KIF4B: variants seen among roughly 807,000 people sequenced by gnomAD.
KIF4B encodes the protein kinesin family member 4B, also known as chromosome-associated kinesin KIF4B.
In KIF4B, 60 loss-of-function variants were observed where a neutral mutation model predicts 69.0. The observed-to-expected ratio is 0.87, with a 90% CI of 0.71 to 1.08. The LOEUF (loss-of-function observed/expected upper bound fraction) is 1.08, where lower values mean the gene tolerates loss of function less well. KIF4B is among the 50% of genes least tolerant of loss of function. The pLI is 0.00. For missense variants in KIF4B, 1,357 were observed against 1,451.9 expected, an observed-to-expected ratio of 0.93 and a Z score of 1.06; for synonymous variants, 489 against 533.0, an observed-to-expected ratio of 0.92 and a Z score of 1.14.
Position 155,013,973 on chromosome 5 carries a change from G to C in KIF4B, c.114G>C (p.Glu38Asp). Residue 38 changes from glutamate to aspartate, a missense_variant, in exon 1 of 1, where the codon GAG becomes GAC. Physicochemically the swap from Glu to Asp is conservative, Grantham distance 45 (BLOSUM62 2). Transcript: ENST00000435029. ...CQMCLSFVPG[E>D]TQVVVGTDKS... ...TGTGCCTTTCCTTCGTGCCCGGGGA[G>C]ACTCAGGTGGTGGTTGGTACTGATA... The C allele has an allele frequency of 6.2e-7, 1 of 1,614,250 alleles. No individual in the cohort carries two copies. Among genetic ancestry groups the C allele is most frequent in the Non-Finnish European group, 8.5e-7 (1 of 1,180,052 alleles).
At position 155,014,948 on chromosome 5, in the gene KIF4B, C is replaced by G. The variant is rs368931138; in HGVS notation, c.1089C>G (p.Val363=). ...HLKQQVQQLQ[V]LLLQAHGGTL... is the part of the protein sequence containing the mutation. ...AGCAACAGGTACAACAGCTACAAGT[C>G]TTGTTGCTACAAGCCCATGGAGGTA... Residue 363 remains valine (V), a synonymous_variant, in exon 1 of 1, where the codon GTC becomes GTG. Transcript: ENST00000435029. 4.3e-6 allele frequency: 7 copies of G among 1,614,062 alleles called. No individual in the cohort carries two copies. The highest frequency in any genetic ancestry group is 4.2e-6 in the Non-Finnish European group (5 of 1,180,042).
In KIF4B at chr5:155,015,964, G is replaced by C; in HGVS notation, c.2105G>C (p.Arg702Pro). 6.2e-7 allele frequency: 1 copy of C among 1,613,274 alleles called. No individual in the cohort carries two copies. The highest frequency in any genetic ancestry group is 1.3e-5 in the African/African-American group (1 of 74,968). Residue 702 changes from arginine (R) to proline (P), a missense_variant, in exon 1 of 1, where the codon CGT becomes CCT. Coordinates refer to ENST00000435029, the MANE Select transcript of KIF4B (RefSeq NM_001099293.3). ...CAGAAACAATCCAGTGTGCTCAGACGTAAAACGGAAGAGGCAGCAGCTGCC... is the reference window on the plus strand; with the variant it reads ...CAGAAACAATCCAGTGTGCTCAGACCTAAAACGGAAGAGGCAGCAGCTGCC... Reference protein sequence around the residue: ...NFQKQSSVLRRKTEEAAAANK... With the variant: ...NFQKQSSVLRPKTEEAAAANK...
Position 155,017,837 on chromosome 5 carries a change from C to T in KIF4B, c.*273C>T. Reference sequence around the variant, plus strand: ...CCTAATGACTCATCAGGAACCAGTCCTCAGTATGATCAAGTTCCTTCTTAT... The same window carrying T: ...CCTAATGACTCATCAGGAACCAGTCTTCAGTATGATCAAGTTCCTTCTTAT... On this transcript the variant is annotated 3_prime_UTR_variant, in exon 1 of 1. Transcript: ENST00000435029. 2.1e-6 allele frequency: 1 copy of T among 485,860 alleles called. No individual in the cohort carries two copies. The highest frequency in any genetic ancestry group is 3.7e-6 in the Non-Finnish European group (1 of 270,478). The allele number at this position is 485,860 out of a possible 1,614,324, so 30.1% of individuals were successfully genotyped here.
In KIF4B at chr5:155,017,701, A is replaced by G; in HGVS notation, c.*137A>G. On this transcript the variant is annotated 3_prime_UTR_variant, in exon 1 of 1. Coordinates refer to ENST00000435029, the MANE Select transcript of KIF4B (RefSeq NM_001099293.3). ...AAAAAGGAACAAAGCATTACTAAAA[A>G]GAAGGTAACCTTTGTTGGATGTTGT... 2 of 1,412,152 alleles carry G rather than the reference A, an allele frequency of 1.4e-6. No homozygotes were observed. The highest frequency in any genetic ancestry group is 1.9e-6 in the Non-Finnish European group (2 of 1,065,722). 87.5% of individuals were successfully genotyped at this position (1,412,152 alleles called of 1,614,324 possible).
Position 155,015,630 on chromosome 5 carries a change from C to A in KIF4B, c.1771C>A (p.Gln591Lys), listed in dbSNP as rs755011320. ...ELQTAKKNVN[Q>K]AKLSEHRHKL... ...TCAGACAGCAAAGAAGAATGTCAACCAAGCCAAGCTGAGTGAGCACCGCCA... is the reference window on the plus strand; with the variant it reads ...TCAGACAGCAAAGAAGAATGTCAACAAAGCCAAGCTGAGTGAGCACCGCCA... Residue 591 changes from glutamine (Q) to lysine (K), a missense_variant, in exon 1 of 1, where the codon CAA becomes AAA. Gln to Lys is a moderately conservative substitution (Grantham distance 53). Coordinates refer to ENST00000435029, the MANE Select transcript of KIF4B (RefSeq NM_001099293.3). 4.0e-5 allele frequency: 64 copies of A among 1,614,040 alleles called. No individual in the cohort carries two copies. Among genetic ancestry groups the A allele is most frequent in the Non-Finnish European group, 5.0e-5 (59 of 1,180,016 alleles).
At position 155,013,804 on chromosome 5, in the gene KIF4B, G is replaced by A; in HGVS notation, c.-56G>A. The A allele has an allele frequency of 6.3e-7, 1 of 1,598,650 alleles. No homozygotes were observed. Among genetic ancestry groups the A allele is most frequent in the African/African-American group, 1.3e-5 (1 of 74,846 alleles). ...CTCCGGCTGGGACAGGGCGGCGGGA[G>A]ACCCCGGGTGAACGGGGAAGGGACA... On this transcript the variant is annotated 5_prime_UTR_variant, in exon 1 of 1. Coordinates refer to ENST00000435029, the MANE Select transcript of KIF4B (RefSeq NM_001099293.3).
rs762378944 is a variant in KIF4B, at chr5:155,015,679, G to C, written c.1820G>C (p.Gly607Ala). The change falls in exon 1 of 1, where the codon GGT (glycine) becomes GCT (alanine). Residue 607 changes from glycine (G) to alanine (A), a missense_variant. Physicochemically the swap from Gly to Ala is moderately conservative, Grantham distance 60 (BLOSUM62 0). Transcript: ENST00000435029. ...CACAAACTTCTCCAGGAGCTGGAGG[G>C]TCAAATAGCTGATCTGAAGAAGAAA... ...HRHKLLQELE[G>A]QIADLKKKLN... The C allele has an allele frequency of 6.2e-7, 1 of 1,614,194 alleles. No individual in the cohort carries two copies. Among genetic ancestry groups the C allele is most frequent in the Non-Finnish European group, 8.5e-7 (1 of 1,180,044 alleles).
chr5:155,016,828 T>C lies in KIF4B; in HGVS notation c.2969T>C (p.Ile990Thr), dbSNP rs762015891. ...NQQLLQENEI[I>T]KQKLILLQVA... The stretch of plus-strand genomic sequence containing the variant: ...CAGCTTCTCCAAGAGAATGAAATCA[T>C]CAAGCAGAAACTGATCCTCCTCCAG... The change falls in exon 1 of 1, where the codon ATC becomes ACC. Residue 990 changes from isoleucine (I) to threonine (T), a missense_variant. Ile to Thr is a moderately conservative substitution (Grantham distance 89). Coordinates refer to ENST00000435029, the MANE Select transcript of KIF4B (RefSeq NM_001099293.3). The C allele has an allele frequency of 6.2e-7, 1 of 1,614,118 alleles. No individual in the cohort carries two copies. The highest frequency in any genetic ancestry group is 8.5e-7 in the Non-Finnish European group (1 of 1,180,030).
In KIF4B at chr5:155,014,626, G is replaced by A. The variant is rs753391654; in HGVS notation, c.767G>A (p.Arg256His). 21 of 1,614,034 alleles carry A rather than the reference G, an allele frequency of 1.3e-5. No individual in the cohort carries two copies. The highest frequency in any genetic ancestry group is 9.9e-5 in the South Asian group (9 of 91,086). The change falls in exon 1 of 1, where the codon CGT becomes CAT. Residue 256 changes from arginine (R) to histidine (H), a missense_variant. Arg to His is a conservative substitution (Grantham distance 29). Transcript: ENST00000435029. ...AAGAAAACCAAGGCTGAAGGGGATC[G>A]TCTAAAAGAGGGTATTAATATTAAC... ...RQKKTKAEGD[R>H]LKEGININRG...
Position 155,015,739 on chromosome 5 carries a change from A to G in KIF4B, c.1880A>G (p.Glu627Gly). 2 of 1,614,230 alleles carry G rather than the reference A, an allele frequency of 1.2e-6. No individual in the cohort carries two copies. The highest frequency in any genetic ancestry group is 1.3e-5 in the African/African-American group (1 of 75,050). Residue 627 changes from glutamate (E) to glycine (G), a missense_variant, in exon 1 of 1, where the codon GAA (glutamate) becomes GGA (glycine). By Grantham distance (98) the Glu-to-Gly change is moderately conservative. Transcript: ENST00000435029. ...CAGTCCAAACTTCTGAAACTAAAGG[A>G]ATCCACAGAGCGTACTGTCTCCAAG... is the stretch of plus-strand genomic sequence containing the variant. ...NEQSKLLKLK[E>G]STERTVSKLN...
rs1185305085 is a variant in KIF4B at position 155,017,580 on chromosome 5, C to G, written c.*16C>G. ...GGCCCACTGAAGTTGGAGTCATCAT[C>G]TCTACCCCCAATCTGGCTTGGGAGA... On this transcript the variant is annotated 3_prime_UTR_variant, in exon 1 of 1. Transcript: ENST00000435029. The G allele has an allele frequency of 1.2e-6, 2 of 1,605,652 alleles. No homozygotes were observed. Among genetic ancestry groups the G allele is most frequent in the Non-Finnish European group, 1.7e-6 (2 of 1,177,006 alleles).
chr5:155,017,939 G>A lies in KIF4B; in HGVS notation c.*375G>A. On this transcript the variant is annotated 3_prime_UTR_variant, in exon 1 of 1. Transcript: ENST00000435029. ...ATCTTTTGGTTGTCTCTGCTTAATG[G>A]AGGAGCCTGGCCTAGGATGGAGGTC... 4.6e-6 allele frequency: 1 copy of A among 216,588 alleles called. No individual in the cohort carries two copies. Among genetic ancestry groups the A allele is most frequent in the East Asian group, 1.2e-4 (1 of 8,260 alleles). 13.4% of individuals were successfully genotyped at this position (216,588 alleles called of 1,614,324 possible).
chr5:155,013,796 C>T lies in KIF4B; in HGVS notation c.-64C>T, dbSNP rs367750501. Reference sequence around the variant, plus strand: ...GGTTAAAGCTCCGGCTGGGACAGGGCGGCGGGAGACCCCGGGTGAACGGGG... The same window carrying T: ...GGTTAAAGCTCCGGCTGGGACAGGGTGGCGGGAGACCCCGGGTGAACGGGG... On this transcript the variant is annotated 5_prime_UTR_variant, in exon 1 of 1. Coordinates refer to ENST00000435029, the MANE Select transcript of KIF4B (RefSeq NM_001099293.3). The T allele has an allele frequency of 9.6e-5, 152 of 1,591,372 alleles. No homozygotes were observed. The East Asian group carries it at 2.8e-3, about 29-fold the overall frequency.
chr5:155,015,964 G>A lies in KIF4B; in HGVS notation c.2105G>A (p.Arg702His), dbSNP rs377762469. The change falls in exon 1 of 1, where the codon CGT becomes CAT. Residue 702 changes from arginine to histidine, a missense_variant. By Grantham distance (29) the Arg-to-His change is conservative. Transcript: ENST00000435029. ...NFQKQSSVLR[R>H]KTEEAAAANK... is the part of the protein sequence containing the mutation. ...CAGAAACAATCCAGTGTGCTCAGAC[G>A]TAAAACGGAAGAGGCAGCAGCTGCC... 2.0e-5 allele frequency: 33 copies of A among 1,613,158 alleles called. 1 individual carries two copies. In the East Asian group the frequency reaches 3.6e-4, roughly 17 times the overall value.
chr5:155,017,836 C>A lies in KIF4B; in HGVS notation c.*272C>A. On this transcript the variant is annotated 3_prime_UTR_variant, in exon 1 of 1. Coordinates refer to ENST00000435029, the MANE Select transcript of KIF4B (RefSeq NM_001099293.3). ...TCCTAATGACTCATCAGGAACCAGT[C>A]CTCAGTATGATCAAGTTCCTTCTTA... 1 of 487,880 alleles carries A rather than the reference C, an allele frequency of 2.0e-6. No homozygotes were observed. The highest frequency in any genetic ancestry group is 3.7e-6 in the Non-Finnish European group (1 of 271,836). 30.2% of individuals were successfully genotyped at this position (487,880 alleles called of 1,614,324 possible). A position where few individuals can be genotyped will look rare whatever the true frequency, so the allele number is the denominator to read the frequency against.
In KIF4B at chr5:155,015,633, G is replaced by A; in HGVS notation, c.1774G>A (p.Ala592Thr). 1 of 1,614,202 alleles carries A rather than the reference G, an allele frequency of 6.2e-7. No homozygotes were observed. Residue 592 changes from alanine to threonine, a missense_variant, in exon 1 of 1, where the codon GCC (alanine) becomes ACC (threonine). Physicochemically the swap from Ala to Thr is moderately conservative, Grantham distance 58 (BLOSUM62 0). Coordinates refer to ENST00000435029, the MANE Select transcript of KIF4B (RefSeq NM_001099293.3). Reference sequence around the variant, plus strand: ...GACAGCAAAGAAGAATGTCAACCAAGCCAAGCTGAGTGAGCACCGCCACAA... The same window carrying A: ...GACAGCAAAGAAGAATGTCAACCAAACCAAGCTGAGTGAGCACCGCCACAA... ...LQTAKKNVNQ[A>T]KLSEHRHKLL...
In KIF4B at chr5:155,015,645, G is replaced by A; in HGVS notation, c.1786G>A (p.Glu596Lys). 1 of 1,614,220 alleles carries A rather than the reference G, an allele frequency of 6.2e-7. No individual in the cohort carries two copies. Among genetic ancestry groups the A allele is most frequent in the Non-Finnish European group, 8.5e-7 (1 of 1,180,040 alleles). ...KKNVNQAKLS[E>K]HRHKLLQELE... ...GAATGTCAACCAAGCCAAGCTGAGTGAGCACCGCCACAAACTTCTCCAGGA... is the reference window on the plus strand; with the variant it reads ...GAATGTCAACCAAGCCAAGCTGAGTAAGCACCGCCACAAACTTCTCCAGGA... Residue 596 changes from glutamate to lysine, a missense_variant, in exon 1 of 1, where the codon GAG becomes AAG. By Grantham distance (56) the Glu-to-Lys change is moderately conservative (BLOSUM62 1). Transcript: ENST00000435029.
Position 155,014,547 on chromosome 5 carries a change from T to G in KIF4B, c.688T>G (p.Cys230Gly), listed in dbSNP as rs1362300830. The G allele has an allele frequency of 1.2e-6, 2 of 1,613,974 alleles. No homozygotes were observed. Among genetic ancestry groups the G allele is most frequent in the East Asian group, 4.5e-5 (2 of 44,892 alleles). The change falls in exon 1 of 1, where the codon TGC becomes GGC. Residue 230 changes from cysteine (C) to glycine (G), a missense_variant. Coordinates refer to ENST00000435029, the MANE Select transcript of KIF4B (RefSeq NM_001099293.3). ...IEQRKKSDKN[C>G]SFRSKLHLVD... Reference sequence around the variant, plus strand: ...GCAAAGAAAGAAAAGTGACAAGAATTGCAGCTTTCGCTCCAAGCTGCATCT... The same window carrying G: ...GCAAAGAAAGAAAAGTGACAAGAATGGCAGCTTTCGCTCCAAGCTGCATCT...
chr5:155,017,499 C>G lies in KIF4B; in HGVS notation c.3640C>G (p.Arg1214Gly). The change falls in exon 1 of 1, where the codon CGA becomes GGA. Residue 1214 changes from arginine to glycine, a missense_variant. Transcript: ENST00000435029. ...QNKPPGKKKKRALASNTSFFS... is the reference protein window; with the variant it reads ...QNKPPGKKKKGALASNTSFFS... ...TAAGCCTCCAGGGAAGAAAAAGAAA[C>G]GAGCTCTGGCTAGCAACACCAGCTT... 6.2e-7 allele frequency: 1 copy of G among 1,614,002 alleles called. No individual in the cohort carries two copies.
Sources: gnomAD v4.1 joint callset for allele counts on GRCh38, gnomAD v4.1.1 for gene constraint, MANE v1.5 for transcripts, NCBI Gene and HGNC (gene_info 2026-07-23, HGNC 2026-07-21) for gene names.